Variants in TBC1D2B observed in about 807,000 individuals in gnomAD.
TBC1D2B encodes the protein TBC1 domain family, member 2B.
TBC1D2B carries 64 observed loss-of-function variants against 100.8 expected under a neutral mutation model. The observed-to-expected ratio is 0.64, with a 90% CI of 0.52 to 0.78. The LOEUF is 0.78. Among genes scored for constraint, TBC1D2B ranks in the 30% least tolerant of loss-of-function variants. The pLI is 0.00. For synonymous variants in TBC1D2B, 480 were observed against 479.7 expected, an observed-to-expected ratio of 1.00 and a Z score of -0.01; for missense variants, 1,052 against 1,218.4, an observed-to-expected ratio of 0.86 and a Z score of 2.03.
At chr15:78,026,503 G>A (rs931477815) in intron 4 of TBC1D2B, among the ~76,000 whole-genome samples, 2 of 152,110 alleles carry the variant, frequency 1.3e-5, no homozygotes, top group African/African-American at 4.8e-5. Flanking sequence ...CCAGAACCAT[G>A]AGCCAAATAA....
chr15:78,000,859 AC>A (rs1429382821), intron 12 of TBC1D2B, among the ~76,000 whole-genome samples: 2 of 148,444 alleles, frequency 1.3e-5, no homozygotes, highest in Admixed American at 6.7e-5. Flanking sequence ...TCTTCAATCT[AC>A]CCCCCTTCTC....
rs181239933 is a variant in TBC1D2B at position 78,025,558 on chromosome 15, G to A, written c.848-61C>T. On this transcript the variant is annotated intron_variant, in intron 4 of 12. Coordinates refer to ENST00000300584, the MANE Select transcript of TBC1D2B (RefSeq NM_144572.2). ...ATTATTATTTTTGAGACGGAGTGTC[G>A]GTCTGTCGCCCAGGCTGGAGTGCAG... 5.9e-4 allele frequency: 763 copies of A among 1,297,246 alleles called. 7 individuals are homozygous for A. The East Asian group carries it at 9.5e-3, about 16-fold the overall frequency. 80.4% of individuals were successfully genotyped at this position (1,297,246 alleles called of 1,614,324 possible). A position where few individuals can be genotyped will look rare whatever the true frequency, so the allele number is the denominator to read the frequency against.
At chr15:78,068,435 C>T (rs2073696467) in intron 1 of TBC1D2B, among the ~76,000 whole-genome samples, 1 of 142,078 alleles carries the variant, frequency 7.0e-6, no homozygotes, top group African/African-American at 2.7e-5. Context: ...GATATGAGGG[C>T]TTAAAGCATG....
intron 3 of TBC1D2B, among the ~76,000 whole-genome samples, chr15:78,033,170 C>T (rs1003235198): frequency 1.3e-5 from 2 of 152,128 alleles, no homozygotes; most frequent in African/African-American, 4.8e-5. Flanking sequence ...AGGTAAGAGG[C>T]ATGTGTTCAT....
At chr15:78,053,820 T>C in intron 2 of TBC1D2B, 1 of 510,358 alleles carries the variant, frequency 2.0e-6, no homozygotes, top group Non-Finnish European at 3.4e-6. Flanking sequence ...TTCCATATGC[T>C]TGGCACTGGC....
At chr15:78,071,864 A>C (rs1596332996) in intron 1 of TBC1D2B, among the ~76,000 whole-genome samples, 1 of 152,210 alleles carries the variant, frequency 6.6e-6, no homozygotes, top group East Asian at 1.9e-4. Context: ...TAAACAACAG[A>C]AATTTACTCA....
In TBC1D2B at chr15:78,024,878, CT is replaced by C. The variant is rs1024567555; in HGVS notation, c.1087-340del. On this transcript the variant is annotated intron_variant, in intron 5 of 12. Transcript: ENST00000300584. ...GCTGAACAATTAAATGTAATTAGATCTGATTAGTTCAAGAAACCATTGTTGA... is the reference window on the plus strand; with the variant it reads ...GCTGAACAATTAAATGTAATTAGATCGATTAGTTCAAGAAACCATTGTTGA... Among the ~76,000 whole-genome samples the C allele has an allele frequency of 1.2e-4, 18 of 152,302 alleles. No individual in the cohort carries two copies. The South Asian group carries it at 1.5e-3, about 12-fold the overall frequency.
intron 8 of TBC1D2B, 147 bp from the exon 9 acceptor site, chr15:78,013,464 T>G: frequency 1.2e-6 from 1 of 807,734 alleles, no homozygotes; most frequent in Non-Finnish European, 1.9e-6. Context: ...GAGGATATAA[T>G]CGACTTCTCA....
chr15:78,062,164 A>G (rs561657099), intron 1 of TBC1D2B, among the ~76,000 whole-genome samples: 5 of 152,254 alleles, frequency 3.3e-5, no homozygotes, highest in Admixed American at 6.5e-5. Context: ...GTCACTGATT[A>G]TAAGAGGGCT....
chr15:78,034,459 G>GTTAAATTCTCCTTACCA, intron 3 of TBC1D2B: 4 of 982,262 alleles, frequency 4.1e-6, no homozygotes, highest in Non-Finnish European at 4.8e-6. Context: ...AATTTTAGGA[G>GTTAAATTCTCCTTACCA]TTAAATTCTC....
At chr15:78,022,851 C>CT (rs888895887) in intron 6 of TBC1D2B, among the ~76,000 whole-genome samples, 46 of 147,270 alleles carry the variant, frequency 3.1e-4, no homozygotes, top group African/African-American at 4.0e-4. Context: ...GCACAGCCAA[C>CT]TTTTTTTTTT....
chr15:78,037,761 A>G (rs945763361), intron 3 of TBC1D2B, among the ~76,000 whole-genome samples: 1 of 152,238 alleles, frequency 6.6e-6, no homozygotes, highest in Non-Finnish European at 1.5e-5. Flanking sequence ...GAGGGTCATG[A>G]CAAGCATTTT....
chr15:77,996,833 T>C lies in TBC1D2B; in HGVS notation c.*1327A>G, dbSNP rs555080096. Reference sequence around the variant, plus strand: ...AAACATTCCACTGAGATCATTTATCTTGTATTTTCATAACACTGTGCCAGA... The same window carrying C: ...AAACATTCCACTGAGATCATTTATCCTGTATTTTCATAACACTGTGCCAGA... On this transcript the variant is annotated 3_prime_UTR_variant, in exon 13 of 13. Transcript: ENST00000300584. 2 of 152,366 alleles carry C rather than the reference T, an allele frequency of 1.3e-5. No individual in the cohort carries two copies. The highest frequency in any genetic ancestry group is 3.9e-4 in the East Asian group (2 of 5,192). The allele number at this position is 152,366 out of a possible 1,614,324, so 9.4% of individuals were successfully genotyped here. A position where few individuals can be genotyped will look rare whatever the true frequency, so the allele number is the denominator to read the frequency against.
chr15:78,029,573 T>C (rs1168793215), intron 4 of TBC1D2B, among the ~76,000 whole-genome samples: 1 of 152,188 alleles, frequency 6.6e-6, no homozygotes, highest in Non-Finnish European at 1.5e-5. Context: ...CCTACAATAA[T>C]AATCCAGCTG....
intron 3 of TBC1D2B, among the ~76,000 whole-genome samples, chr15:78,040,822 A>AGAAG (rs1555420816): frequency 7.4e-6 from 1 of 135,438 alleles, no homozygotes; most frequent in African/African-American, 2.7e-5. Flanking sequence ...AAAGCAAGAA[A>AGAAG]GAAGGAAAGA....
intron 8 of TBC1D2B, 31 bp downstream of exon 8, chr15:78,016,515 C>T (rs1235705488): frequency 6.2e-7 from 1 of 1,601,240 alleles, no homozygotes; most frequent in Non-Finnish European, 8.5e-7. Flanking sequence ...AAATGGGGTG[C>T]ACTACCCTCA....
chr15:78,026,109 A>G (rs1385962190), intron 4 of TBC1D2B, among the ~76,000 whole-genome samples: 1 of 151,796 alleles, frequency 6.6e-6, no homozygotes. Flanking sequence ...ATTTGTCCTT[A>G]GCAAAAAAGC....
intron 3 of TBC1D2B, among the ~76,000 whole-genome samples, chr15:78,033,548 T>C (rs1357049844): frequency 2.6e-5 from 4 of 152,214 alleles, no homozygotes; most frequent in Non-Finnish European, 5.9e-5. Flanking sequence ...TTTTTAAAGG[T>C]GTAGAAATGT....
In TBC1D2B at chr15:78,052,415, T is replaced by C. The variant is rs1458743236; in HGVS notation, c.514+1619A>G. Among the ~76,000 whole-genome samples, 3 of 152,192 alleles carry C rather than the reference T, an allele frequency of 2.0e-5. No homozygotes were observed. In the South Asian group the frequency reaches 6.2e-4, roughly 32 times the overall value. ...TGTGAGGAGAGGGACAAAGCTCATC[T>C]TGAGTGCCGACTTTGCTGAATGAAT... is the stretch of plus-strand genomic sequence containing the variant. On this transcript the variant is annotated intron_variant, in intron 2 of 12. Transcript: ENST00000300584.
Sources: gnomAD v4.1 joint callset for allele counts (sites outside exome capture counted in the v4.1 genomes callset) on GRCh38, gnomAD v4.1.1 for gene constraint, MANE v1.5 for transcripts, NCBI Gene and HGNC (gene_info 2026-07-23, HGNC 2026-07-21) for gene names.